Variants in WDPCP observed in about 807,000 individuals in gnomAD.
WDPCP encodes WD repeat containing planar cell polarity effector, also known as WD repeat-containing and planar cell polarity effector protein fritz homolog.
Under a neutral mutation model 93.1 loss-of-function variants are expected in WDPCP, and 71 were observed. The observed-to-expected ratio is 0.76, with a 90% confidence interval of 0.63 to 0.93. The LOEUF (loss-of-function observed/expected upper bound fraction) is 0.93. Among genes scored for constraint, WDPCP ranks in the 40% least tolerant of loss-of-function variants. WDPCP has a pLI of 0.00. For synonymous variants in WDPCP, 315 were observed against 315.0 expected (o/e 1.00, Z 0.00); for missense variants, 844 against 887.4 (o/e 0.95, Z 0.62).
At chr2:63,677,588 A>G (rs1418241809) in intron 2 of WDPCP, among the ~76,000 whole-genome samples, 3 of 152,308 alleles carry the variant, frequency 2.0e-5, no homozygotes, top group African/African-American at 7.2e-5. Context: ...ATAAAGAAAC[A>G]GCCATAAGAT....
chr2:63,830,104 T>C (rs1351280690), upstream of WDPCP, among the ~76,000 whole-genome samples: 1 of 152,144 alleles, frequency 6.6e-6, no homozygotes, highest in Non-Finnish European at 1.5e-5. Context: ...AGAAGCATCA[T>C]CAGCCTATCA....
intron 17 of WDPCP, among the ~76,000 whole-genome samples, chr2:63,137,994 C>T (rs148138829): frequency 1.3e-5 from 2 of 150,922 alleles, no homozygotes; most frequent in East Asian, 3.9e-4. Context: ...AGCAATGATG[C>T]CTCCAGCTTT....
intron 14 of WDPCP, among the ~76,000 whole-genome samples, chr2:63,227,131 T>C (rs949263009): frequency 2.6e-5 from 4 of 152,060 alleles, no homozygotes; most frequent in African/African-American, 9.6e-5. Flanking sequence ...TCCCCATTAA[T>C]GTAAATTATT....
chr2:63,290,667 T>C lies in WDPCP; in HGVS notation c.1812+22581A>G, dbSNP rs549230158. On this transcript the variant is annotated intron_variant, in intron 13 of 17. Coordinates refer to ENST00000272321, the MANE Select transcript of WDPCP (RefSeq NM_015910.7). The stretch of plus-strand genomic sequence containing the variant: ...TTATTTCACCCTCACTTAAGGATGA[T>C]TTTCACTGGATATAAGATTTTGAGT... 2.0e-5 allele frequency among the ~76,000 whole-genome samples: 3 copies of C among 152,286 alleles called. No homozygotes were observed. In the South Asian group the frequency reaches 6.2e-4, roughly 32 times the overall value.
Position 63,767,050 on chromosome 2 carries a change from T to C in WDPCP, n.308+46572A>G, listed in dbSNP as rs150195837. Among the ~76,000 whole-genome samples, 625 of 152,258 alleles carry C rather than the reference T, an allele frequency of 4.1e-3. 3 individuals carry two copies. Among genetic ancestry groups the C allele is most frequent in the African/African-American group, 0.014 (585 of 41,568 alleles). On this transcript the variant is annotated intron_variant and non_coding_transcript_variant, in intron 2 of 4. Transcript: ENST00000467687. ...CAACCACTGATTTGTTTTATATCAC[T>C]ATAGATTAGTTTTTGTTCCTTAGAA...
chr2:63,594,599 GT>G (rs764580950), intron 3 of WDPCP: 1 of 1,561,400 alleles, frequency 6.4e-7, no homozygotes, highest in African/African-American at 1.4e-5. Flanking sequence ...AGGAACAGGT[GT>G]CTATAAATCT....
chr2:63,716,237 T>C (rs934586592), intron 2 of WDPCP, among the ~76,000 whole-genome samples: 1 of 152,138 alleles, frequency 6.6e-6, no homozygotes, highest in East Asian at 1.9e-4. Context: ...TCTAGTAACT[T>C]AATAGACCTC....
chr2:63,455,080 T>C (rs1055385057), intron 6 of WDPCP, among the ~76,000 whole-genome samples: 2 of 152,122 alleles, frequency 1.3e-5, no homozygotes, highest in Admixed American at 6.6e-5. Context: ...AAAGAATGAT[T>C]AATTCCCATC....
intron 2 of WDPCP, among the ~76,000 whole-genome samples, chr2:63,794,488 C>T (rs373656400): frequency 1.3e-5 from 2 of 152,286 alleles, no homozygotes; most frequent in East Asian, 3.9e-4. Flanking sequence ...GAAAAAGTTT[C>T]CTCACTCTTA....
intron 15 of WDPCP, among the ~76,000 whole-genome samples, chr2:63,169,180 C>T (rs995908320): frequency 6.6e-6 from 1 of 152,288 alleles, no homozygotes. Flanking sequence ...TATAGTCAGT[C>T]CTTGTACTGA....
intron 2 of WDPCP, among the ~76,000 whole-genome samples, chr2:63,710,494 C>G (rs749707512): frequency 2.0e-5 from 3 of 152,240 alleles, no homozygotes; most frequent in Non-Finnish European, 4.4e-5. Flanking sequence ...AGTGCCTTGA[C>G]TACTCTCAAT....
intron 2 of WDPCP, among the ~76,000 whole-genome samples, chr2:63,694,065 A>G (rs929190636): frequency 5.3e-5 from 8 of 152,246 alleles, no homozygotes; most frequent in African/African-American, 1.9e-4. Context: ...AACCTTTATC[A>G]TTCTTCCCTC....
intron 2 of WDPCP, among the ~76,000 whole-genome samples, chr2:63,699,961 A>C (rs975751123): frequency 1.3e-5 from 2 of 152,046 alleles, no homozygotes; most frequent in Admixed American, 1.3e-4. Context: ...TTTTATGAAG[A>C]TTGCTCATTG....
chr2:63,747,313 A>G (rs1252708050), intron 2 of WDPCP, among the ~76,000 whole-genome samples: 10 of 152,140 alleles, frequency 6.6e-5, no homozygotes, highest in Admixed American at 4.6e-4. Context: ...TAAATTTTCA[A>G]TCTTTCACCT....
At chr2:63,484,575 C>T (rs1377360623) in intron 6 of WDPCP, 29 bp downstream of exon 6, 3 of 1,612,054 alleles carry the variant, frequency 1.9e-6, no homozygotes, top group South Asian at 1.1e-5. Flanking sequence ...ATTGGTTAAA[C>T]ACTGCAAAGG....
chr2:63,200,957 G>T (rs924169654), intron 14 of WDPCP, among the ~76,000 whole-genome samples: 5 of 152,080 alleles, frequency 3.3e-5, no homozygotes, highest in Admixed American at 3.3e-4. Context: ...TGAGATATGG[G>T]AGGGGCCAGG....
chr2:63,529,165 A>C (rs1210305465), intron 1 of WDPCP, among the ~76,000 whole-genome samples: 1 of 152,114 alleles, frequency 6.6e-6, no homozygotes, highest in Non-Finnish European at 1.5e-5. Context: ...TGCAAACAGG[A>C]ACGATTTGAC....
At chr2:63,594,400 A>G (rs1709262171) in intron 3 of WDPCP, 1 of 982,416 alleles carries the variant, frequency 1.0e-6, no homozygotes, top group Non-Finnish European at 1.6e-6. Context: ...CTTTTAAAGT[A>G]TGTGGATTTC....
chr2:63,122,000 T>G lies in WDPCP; in HGVS notation c.*6A>C. ...GAAGAAGGCAGTTTTCTTTTTTTCT[T>G]AATGTTTACACCAGACCAAAGTGAA... On this transcript the variant is annotated 3_prime_UTR_variant, in exon 18 of 18. Transcript: ENST00000272321. 1.2e-6 allele frequency: 2 copies of G among 1,613,120 alleles called. No homozygotes were observed. Among genetic ancestry groups the G allele is most frequent in the Non-Finnish European group, 1.7e-6 (2 of 1,179,670 alleles).
Sources: gnomAD v4.1 joint callset for allele counts (sites outside exome capture counted in the v4.1 genomes callset) on GRCh38, gnomAD v4.1.1 for gene constraint, MANE v1.5 for transcripts, NCBI Gene and HGNC (gene_info 2026-07-23, HGNC 2026-07-21) for gene names.